Variants in FSTL5 observed in about 807,000 individuals in gnomAD.
FSTL5 encodes follistatin-related protein 5.
A neutral mutation model predicts 89.1 loss-of-function variants in FSTL5; 62 were observed. The ratio of observed to expected loss-of-function variants is 0.70; its 90% CI spans 0.57 to 0.86. The LOEUF (loss-of-function observed/expected upper bound fraction) is 0.86, where lower values mean the gene tolerates loss of function less well. Among genes scored for constraint, FSTL5 ranks in the 40% least tolerant of loss-of-function variants. The probability of loss-of-function intolerance (pLI) is 0.00; values close to 1 mark genes in which losing one functional copy is unlikely to be tolerated. For synonymous variants in FSTL5, 383 were observed against 346.2 expected (o/e 1.11, Z -1.18); for missense variants, 1,057 against 1,001.6 (o/e 1.06, Z -0.75).
At chr4:161,870,139 C>A (rs1732215895) in intron 4 of FSTL5, among the ~76,000 whole-genome samples, 1 of 152,138 alleles carries the variant, frequency 6.6e-6, no homozygotes, top group African/African-American at 2.4e-5. Flanking sequence ...ATCTCCCTTG[C>A]TAGACTACAA....
At chr4:161,781,498 G>A (rs1424930649) in intron 4 of FSTL5, among the ~76,000 whole-genome samples, 1 of 152,006 alleles carries the variant, frequency 6.6e-6, no homozygotes, top group Non-Finnish European at 1.5e-5. Flanking sequence ...AGATTCACTA[G>A]TACAAATACA....
chr4:161,630,193 A>C (rs748608345), intron 7 of FSTL5, among the ~76,000 whole-genome samples: 3 of 152,112 alleles, frequency 2.0e-5, no homozygotes, highest in Non-Finnish European at 4.4e-5. Flanking sequence ...CTGTGCAGTG[A>C]GGTGACTCAC....
rs1388258507 is a variant in FSTL5, at chr4:161,970,052, A to G, written c.161-49400T>C. ...GAACTGGATTTGATGGGGAGTCACTAAGTTTCTCATTAAGGAAAATTATGT... is the reference window on the plus strand; with the variant it reads ...GAACTGGATTTGATGGGGAGTCACTGAGTTTCTCATTAAGGAAAATTATGT... On this transcript the variant is annotated intron_variant, in intron 3 of 15. Transcript: ENST00000306100. Among the ~76,000 whole-genome samples the G allele has an allele frequency of 3.9e-5, 6 of 152,176 alleles. No individual in the cohort carries two copies. In the East Asian group the frequency reaches 5.8e-4, roughly 15 times the overall value.
intron 6 of FSTL5, among the ~76,000 whole-genome samples, chr4:161,705,946 ATG>A (rs747996918): frequency 0.85 from 38,053 of 44,536 alleles, 16,636 homozygotes; most frequent in East Asian, 0.95. Context: ...GTGTGTGTAG[ATG>A]TGTGTATATA....
rs1733654631 is a variant in FSTL5, at chr4:161,587,479, G to C, written c.991C>G (p.Gln331Glu). 1 of 1,613,046 alleles carries C rather than the reference G, an allele frequency of 6.2e-7. No individual in the cohort carries two copies. Among genetic ancestry groups the C allele is most frequent in the South Asian group, 1.1e-5 (1 of 91,062 alleles). ...CYADGYEQVYQTHIFQVNVPP... is the reference protein window; with the variant it reads ...CYADGYEQVYETHIFQVNVPP... ...CCATTCACTTGGAAGATGTGAGTCT[G>C]ATAGACTTGTTCATAGCCATCTGCA... Residue 331 changes from glutamine to glutamate, a missense_variant, in exon 8 of 16, where the codon CAG becomes GAG. Physicochemically the swap from Gln to Glu is conservative, Grantham distance 29 (BLOSUM62 2). This residue lies in a region of FSTL5 where 980 missense variants were observed against 903.2 expected (regional missense o/e 1.08). Transcript: ENST00000306100.
At chr4:161,813,808 C>T (rs1730240432) in intron 4 of FSTL5, among the ~76,000 whole-genome samples, 1 of 151,846 alleles carries the variant, frequency 6.6e-6, no homozygotes, top group South Asian at 2.1e-4. Context: ...ATGTTCTTGG[C>T]AAAATTCTCT....
chr4:161,967,092 AC>A (rs1270201956), intron 3 of FSTL5, among the ~76,000 whole-genome samples: 7 of 151,826 alleles, frequency 4.6e-5, no homozygotes, highest in African/African-American at 1.7e-4. Context: ...AAAAAAAAAA[AC>A]TGTTTCATAA....
chr4:161,816,471 C>A (rs1477022503), intron 4 of FSTL5, among the ~76,000 whole-genome samples: 2 of 152,244 alleles, frequency 1.3e-5, no homozygotes, highest in East Asian at 3.9e-4. Flanking sequence ...CACGATGTAA[C>A]ATTTATACAT....
At chr4:161,633,294 A>T (rs1045742772) in intron 7 of FSTL5, among the ~76,000 whole-genome samples, 9 of 105,210 alleles carry the variant, frequency 8.6e-5, no homozygotes, top group East Asian at 2.0e-4. Flanking sequence ...AATTCTTTTT[A>T]TTATTATTAT....
In FSTL5 at chr4:161,385,606, A is replaced by G. The variant is rs1402374666; in HGVS notation, c.*141T>C. The G allele has an allele frequency of 8.1e-6, 5 of 619,820 alleles. No individual in the cohort carries two copies. The highest frequency in any genetic ancestry group is 3.8e-4 in the Middle Eastern group (1 of 2,656). The allele number at this position is 619,820 out of a possible 1,614,324, so 38.4% of individuals were successfully genotyped here. A position where few individuals can be genotyped will look rare whatever the true frequency, so the allele number is the denominator to read the frequency against. On this transcript the variant is annotated 3_prime_UTR_variant, in exon 16 of 16. Transcript: ENST00000306100. Reference sequence around the variant, plus strand: ...GTATGTCTTAGTCACTTAGTCAAAAACAATTTATTTTATTTGGACCAACCA... The same window carrying G: ...GTATGTCTTAGTCACTTAGTCAAAAGCAATTTATTTTATTTGGACCAACCA...
intron 6 of FSTL5, among the ~76,000 whole-genome samples, chr4:161,658,286 C>G (rs186527527): frequency 3.8e-3 from 575 of 151,668 alleles, no homozygotes; most frequent in African/African-American, 0.013. Context: ...TGGTGAAACC[C>G]CATCTCTACT....
At chr4:161,494,110 A>G (rs1729983220) in intron 12 of FSTL5, among the ~76,000 whole-genome samples, 1 of 152,172 alleles carries the variant, frequency 6.6e-6, no homozygotes, top group Non-Finnish European at 1.5e-5. Context: ...TCTAAGGAAT[A>G]GTTAGAAGTA....
intron 4 of FSTL5, among the ~76,000 whole-genome samples, chr4:161,816,754 G>A (rs1730337162): frequency 6.6e-6 from 1 of 152,120 alleles, no homozygotes; most frequent in African/African-American, 2.4e-5. Flanking sequence ...GATAAAGCCT[G>A]GGACAAGAGT....
chr4:161,799,064 A>C (rs1729720241), intron 4 of FSTL5, among the ~76,000 whole-genome samples: 1 of 151,820 alleles, frequency 6.6e-6, no homozygotes, highest in South Asian at 2.1e-4. Flanking sequence ...CCGAAAAGCA[A>C]GGTGCCTAGA....
intron 10 of FSTL5, among the ~76,000 whole-genome samples, chr4:161,515,367 T>G (rs1560933008): frequency 1.3e-5 from 2 of 151,862 alleles, no homozygotes; most frequent in African/African-American, 4.8e-5. Context: ...CCAGCTATTT[T>G]TTGTTGTTGT....
intron 12 of FSTL5, chr4:161,495,149 G>A (rs1205638030): frequency 2.0e-5 from 3 of 151,952 alleles, no homozygotes; most frequent in Admixed American, 2.0e-4. Flanking sequence ...TAAGACACGT[G>A]GTTTTCTTTA....
intron 7 of FSTL5, among the ~76,000 whole-genome samples, chr4:161,630,989 G>T (rs1378185736): frequency 6.6e-6 from 1 of 152,224 alleles, no homozygotes; most frequent in East Asian, 1.9e-4. Flanking sequence ...TAATGTAATT[G>T]TTCAATGATA....
At chr4:161,665,995 A>C (rs1466756856) in intron 6 of FSTL5, among the ~76,000 whole-genome samples, 4 of 152,244 alleles carry the variant, frequency 2.6e-5, no homozygotes, top group South Asian at 2.1e-4. Context: ...CATTGGGTAG[A>C]GAAAGATTTT....
At chr4:161,951,345 G>A (rs1412128320) in intron 3 of FSTL5, among the ~76,000 whole-genome samples, 3 of 151,886 alleles carry the variant, frequency 2.0e-5, no homozygotes, top group East Asian at 1.9e-4. Flanking sequence ...CTATTCTCTG[G>A]TGAATTTCTC....
Sources: gnomAD v4.1 joint callset for allele counts (sites outside exome capture counted in the v4.1 genomes callset) on GRCh38, gnomAD v4.1.1 for gene constraint, gnomAD v4.1.1 regional missense constraint, MANE v1.5 for transcripts, NCBI Gene and HGNC (gene_info 2026-07-23, HGNC 2026-07-21) for gene names.